Variants in LMLN observed in about 807,000 individuals in gnomAD.
The protein encoded by LMLN is leishmanolysin like peptidase, also known as leishmanolysin-like peptidase.
In LMLN, 70 loss-of-function variants were observed where a neutral mutation model predicts 92.3. That is an observed-to-expected ratio of 0.76 (90% confidence interval 0.63 to 0.92). The LOEUF (loss-of-function observed/expected upper bound fraction) is 0.92. Ranked by LOEUF, LMLN falls within the 40% of genes least tolerant of loss-of-function variation. LMLN has a pLI of 0.00. For synonymous variants in LMLN, 308 were observed against 296.2 expected, an observed-to-expected ratio of 1.04 and a Z score of -0.41; for missense variants, 691 against 814.6, an observed-to-expected ratio of 0.85 and a Z score of 1.85.
chr3:198,021,660 A>C, intron 13 of LMLN, 55 bp downstream of exon 14: 8 of 1,492,536 alleles, frequency 5.4e-6, no homozygotes, highest in Non-Finnish European at 7.4e-6. Flanking sequence ...ATGTATTAGC[A>C]ATATAGAATC....
chr3:197,996,313 T>C, intron 10 of LMLN, 31 bp downstream of exon 10: 1 of 1,293,682 alleles, frequency 7.7e-7, no homozygotes, highest in Non-Finnish European at 1.1e-6. Flanking sequence ...TCCTAGACTT[T>C]ATTTAATGAA....
At chr3:197,962,578 C>T (rs1720934336) in intron 1 of LMLN, among the ~76,000 whole-genome samples, 1 of 152,236 alleles carries the variant, frequency 6.6e-6, no homozygotes, top group African/African-American at 2.4e-5. Flanking sequence ...TACCATTTTA[C>T]ACCCCCATCA....
rs1191873357 is a variant in LMLN, at chr3:197,984,464, T to TA, written c.834+417dup. 4.0e-5 allele frequency among the ~76,000 whole-genome samples: 6 copies of TA among 151,836 alleles called. No homozygotes were observed. The South Asian group carries it at 8.4e-4, about 21-fold the overall frequency. On this transcript the variant is annotated intron_variant, in intron 7 of 15. Transcript: ENST00000330198. ...TGAAAGGCCTTTGGAAGTATATAGA[T>TA]ACGGCAGAGCCCTGGGCTGCTGCTG...
intron 11 of LMLN, among the ~76,000 whole-genome samples, chr3:198,002,410 G>A (rs923790510): frequency 2.6e-5 from 4 of 152,218 alleles, no homozygotes; most frequent in Non-Finnish European, 4.4e-5. Context: ...GGTTACAAAT[G>A]TGAGTCACTG....
chr3:198,016,711 T>C (rs1454952464), intron 11 of LMLN, among the ~76,000 whole-genome samples: 2 of 152,166 alleles, frequency 1.3e-5, no homozygotes, highest in Non-Finnish European at 2.9e-5. Context: ...AATTATAACA[T>C]CACCTAAGAC....
At chr3:198,014,517 A>C (rs1581169748) in intron 11 of LMLN, among the ~76,000 whole-genome samples, 1 of 95,104 alleles carries the variant, frequency 1.1e-5, no homozygotes, top group African/African-American at 4.3e-5. Flanking sequence ...GAGCCCCCTA[A>C]CTAGTCTGAC....
chr3:197,991,383 G>A (rs116027776), intron 9 of LMLN, among the ~76,000 whole-genome samples: 1,623 of 151,774 alleles, frequency 0.011, 11 homozygotes, highest in Middle Eastern at 0.024. Flanking sequence ...TGGGATTACA[G>A]ACATGAGTCA....
At chr3:198,015,320 C>A in intron 11 of LMLN, among the ~76,000 whole-genome samples, 1 of 20,908 alleles carries the variant, frequency 4.8e-5, no homozygotes, top group Admixed American at 3.2e-4. Context: ...CTCCACCCTT[C>A]AGAGCCCCCT....
intron 10 of LMLN, among the ~76,000 whole-genome samples, chr3:197,996,759 T>G (rs1485525638): frequency 1.3e-5 from 2 of 152,220 alleles, no homozygotes; most frequent in African/African-American, 4.8e-5. Context: ...TCTACTCTAG[T>G]ATTTTATTAA....
rs751165358 is a variant in LMLN, at chr3:197,999,216, T to C, written c.1156-50T>C. 4.0e-6 allele frequency: 5 copies of C among 1,265,620 alleles called. No homozygotes were observed. The South Asian group carries it at 6.0e-5, about 15-fold the overall frequency. 78.4% of individuals were successfully genotyped at this position (1,265,620 alleles called of 1,614,324 possible). On this transcript the variant is annotated intron_variant, in intron 10 of 15. Transcript: ENST00000330198. ...ATATCAGAGGAATTGCAGAAAATAT[T>C]AGGAGTTGCAGAGAATCTAGTCTAA...
intron 1 of LMLN, among the ~76,000 whole-genome samples, chr3:197,962,113 G>T (rs184216851): frequency 0.012 from 1,852 of 151,844 alleles, 17 homozygotes; most frequent in Non-Finnish European, 0.017. Flanking sequence ...ATCTCCAGAC[G>T]TTCCCTCCTG....
intron 14 of LMLN, among the ~76,000 whole-genome samples, chr3:198,034,323 T>G (rs1723153181): frequency 6.6e-6 from 1 of 152,160 alleles, no homozygotes; most frequent in Non-Finnish European, 1.5e-5. Context: ...ATAGTTAAAA[T>G]TTTTGGCTGG....
chr3:197,995,929 A>G (rs1376494647), intron 9 of LMLN, among the ~76,000 whole-genome samples: 1 of 152,160 alleles, frequency 6.6e-6, no homozygotes, highest in Non-Finnish European at 1.5e-5. Flanking sequence ...TTTTAGCTAT[A>G]TGTTGCAAAA....
At chr3:198,012,256 G>A (rs555620277) in intron 11 of LMLN, among the ~76,000 whole-genome samples, 4 of 152,090 alleles carry the variant, frequency 2.6e-5, no homozygotes, top group South Asian at 2.1e-4. Context: ...GTAGAGACGG[G>A]GTTTCATTCT....
chr3:197,982,047 C>T (rs1280213925), intron 6 of LMLN, among the ~76,000 whole-genome samples: 3 of 152,116 alleles, frequency 2.0e-5, no homozygotes, highest in Non-Finnish European at 4.4e-5. Flanking sequence ...CTCAGGTGAT[C>T]TGCCTTCCTT....
intron 13 of LMLN, 36 bp downstream of exon 14, chr3:198,021,641 A>T (rs185609408): frequency 6.4e-7 from 1 of 1,559,816 alleles, no homozygotes; most frequent in African/African-American, 1.4e-5. Flanking sequence ...TTATATACAT[A>T]TTAAAATTAT....
intron 11 of LMLN, among the ~76,000 whole-genome samples, chr3:198,008,444 G>A (rs990883649): frequency 6.6e-6 from 1 of 152,128 alleles, no homozygotes; most frequent in African/African-American, 2.4e-5. Context: ...TATTATTTAT[G>A]GCCAGACATG....
intron 9 of LMLN, among the ~76,000 whole-genome samples, chr3:197,993,511 CA>C (rs542040487): frequency 5.3e-4 from 78 of 148,274 alleles, no homozygotes; most frequent in African/African-American, 1.8e-3. Context: ...CAATAGCTAC[CA>C]AAAAAAAAAT....
intron 14 of LMLN, among the ~76,000 whole-genome samples, chr3:198,030,888 C>T (rs895108017): frequency 6.6e-6 from 1 of 151,988 alleles, no homozygotes; most frequent in Non-Finnish European, 1.5e-5. Flanking sequence ...TTCATCTCTG[C>T]CCTCAGGGTC....
Sources: gnomAD v4.1 joint callset for allele counts (sites outside exome capture counted in the v4.1 genomes callset) on GRCh38, gnomAD v4.1.1 for gene constraint, MANE v1.5 for transcripts, NCBI Gene and HGNC (gene_info 2026-07-23, HGNC 2026-07-21) for gene names.